EIF2AK4: variants seen among roughly 807,000 people sequenced by gnomAD.
EIF2AK4 encodes the protein eukaryotic translation initiation factor 2 alpha kinase 4, also known as eIF-2-alpha kinase GCN2.
A neutral mutation model predicts 211.1 loss-of-function variants in EIF2AK4; 139 were observed. The ratio of observed to expected loss-of-function variants is 0.66; its 90% CI spans 0.57 to 0.76. The LOEUF (loss-of-function observed/expected upper bound fraction) is 0.76. Among genes scored for constraint, EIF2AK4 ranks in the 30% least tolerant of loss-of-function variants. EIF2AK4 has a pLI of 0.00. For synonymous variants in EIF2AK4, 710 were observed against 751.3 expected (o/e 0.94, Z 0.90); for missense variants, 1,664 against 2,043.8 (o/e 0.81, Z 3.58).
intron 26 of EIF2AK4, 104 bp from the exon 27 acceptor site, chr15:40,011,177 T>C: frequency 1.5e-5 from 13 of 891,626 alleles, no homozygotes; most frequent in Non-Finnish European, 2.3e-5. Flanking sequence ...TAGGAGCAGT[T>C]TGTTCAAAAT....
intron 17 of EIF2AK4, 80 bp downstream of exon 17, chr15:39,992,309 T>C (rs2034954859): frequency 7.8e-7 from 1 of 1,279,948 alleles, no homozygotes; most frequent in South Asian, 1.6e-5. Flanking sequence ...TTTTTACTTG[T>C]AAAGGTTTTA....
chr15:39,946,321 A>G (rs1321563493), intron 3 of EIF2AK4, among the ~76,000 whole-genome samples: 3 of 152,200 alleles, frequency 2.0e-5, no homozygotes, highest in African/African-American at 7.2e-5. Context: ...ACCCTCATGG[A>G]TGACTTTGAG....
chr15:39,951,070 G>T (rs952487731), intron 4 of EIF2AK4, among the ~76,000 whole-genome samples: 16 of 152,106 alleles, frequency 1.1e-4, no homozygotes, highest in African/African-American at 3.6e-4. Flanking sequence ...CATATATGTA[G>T]GTACCTTTTG....
intron 7 of EIF2AK4, among the ~76,000 whole-genome samples, chr15:39,965,079 A>C (rs749546339): frequency 1.3e-5 from 2 of 152,216 alleles, no homozygotes; most frequent in African/African-American, 2.4e-5. Flanking sequence ...TAGACTCGTT[A>C]TGAAAATAAC....
Position 40,035,063 on chromosome 15 carries a change from C to T in EIF2AK4, c.4929C>T (p.Asp1643=). The change falls in exon 39 of 39, where the codon GAC becomes GAT. Residue 1643 remains aspartate (D), a synonymous_variant. Coordinates refer to ENST00000263791, the MANE Select transcript of EIF2AK4 (RefSeq NM_001013703.4). ...SVLFLYSYRD[D]YYRILF is the part of the protein sequence containing the mutation. ...TATTTCTGTACAGCTATAGAGATGA[C>T]TACTACAGAATCTTATTTTAACCCT... The T allele has an allele frequency of 6.3e-7, 1 of 1,585,014 alleles. No individual in the cohort carries two copies. Among genetic ancestry groups the T allele is most frequent in the Non-Finnish European group, 8.6e-7 (1 of 1,166,356 alleles).
At chr15:39,973,083 C>A in intron 10 of EIF2AK4, 69 bp downstream of exon 10, 1 of 1,306,370 alleles carries the variant, frequency 7.7e-7, no homozygotes, top group Admixed American at 1.7e-5. Context: ...TATACATAAA[C>A]CAAAAACTGG....
chr15:39,979,731 G>C (rs1197928998), intron 13 of EIF2AK4, among the ~76,000 whole-genome samples: 2 of 152,200 alleles, frequency 1.3e-5, no homozygotes, highest in African/African-American at 4.8e-5. Context: ...ATTCCTCTTA[G>C]AAATCAAATG....
At position 40,002,743 on chromosome 15, in the gene EIF2AK4, C is replaced by G. The variant is rs1385155516; in HGVS notation, c.3190C>G (p.Gln1064Glu). 5 of 1,614,198 alleles carry G rather than the reference C, an allele frequency of 3.1e-6. No homozygotes were observed. Among genetic ancestry groups the G allele is most frequent in the Non-Finnish European group, 3.4e-6 (4 of 1,180,022 alleles). The part of the protein sequence containing the change: ...GNFSIRTAKM[Q>E]QHVCETIIRI... ...CTTCTCAATCCGTACAGCCAAGATG[C>G]AGCAGCATGTGTGTGAAACCATCAT... Residue 1064 changes from glutamine (Q) to glutamate (E), a missense_variant, in exon 22 of 39, where the codon CAG becomes GAG. By Grantham distance (29) the Gln-to-Glu change is conservative. Around this residue, in one of 7 missense-constraint regions of EIF2AK4, gnomAD observed 622 missense variants for 796.8 expected, o/e 0.78. Coordinates refer to ENST00000263791, the MANE Select transcript of EIF2AK4 (RefSeq NM_001013703.4).
chr15:39,977,099 T>C, intron 12 of EIF2AK4: 1 of 401,816 alleles, frequency 2.5e-6, no homozygotes, highest in South Asian at 1.0e-4. Flanking sequence ...GAAAAGGGGA[T>C]TCATTTAGAA....
chr15:40,031,875 G>A (rs1220927554), intron 35 of EIF2AK4, among the ~76,000 whole-genome samples: 3 of 152,076 alleles, frequency 2.0e-5, no homozygotes, highest in East Asian at 1.9e-4. Context: ...ATAAGCGCCG[G>A]CCACCATGCC....
rs201418777 is a variant in EIF2AK4, at chr15:39,976,742, A to G, written c.2147A>G (p.Glu716Gly). The G allele has an allele frequency of 9.2e-5, 147 of 1,600,998 alleles. No homozygotes were observed. The highest frequency in any genetic ancestry group is 1.1e-4 in the Non-Finnish European group (133 of 1,176,574). Residue 716 changes from glutamate (E) to glycine (G), a missense_variant, in exon 12 of 39, where the codon GAG becomes GGG. Physicochemically the swap from Glu to Gly is moderately conservative, Grantham distance 98. Coordinates refer to ENST00000263791, the MANE Select transcript of EIF2AK4 (RefSeq NM_001013703.4). ...TCGGTGGAGTGGAGCACTTCGGGCG[A>G]GCGCTCGGCCAGTGCCCGTTTCCCC... Reference protein sequence around the residue: ...SSSVEWSTSGERSASARFPAT... With the variant: ...SSSVEWSTSGGRSASARFPAT...
chr15:40,032,703 C>CA (rs1252037089), intron 36 of EIF2AK4, 54 bp from the exon 37 acceptor site: 14 of 1,541,018 alleles, frequency 9.1e-6, no homozygotes, highest in Middle Eastern at 1.7e-4. Context: ...ACACTATGGT[C>CA]ACAAGGCAGT....
intron 23 of EIF2AK4, among the ~76,000 whole-genome samples, chr15:40,004,291 C>A (rs942090416): frequency 6.6e-6 from 1 of 152,146 alleles, no homozygotes; most frequent in Admixed American, 6.5e-5. Flanking sequence ...AAAAACACAT[C>A]AGTGTATGAA....
In EIF2AK4 at chr15:39,943,373, C is replaced by CT; in HGVS notation, c.258-10_258-9insT. 1.3e-6 allele frequency: 1 copy of CT among 747,116 alleles called. No individual in the cohort carries two copies. The highest frequency in any genetic ancestry group is 3.7e-5 in the South Asian group (1 of 26,712). 46.3% of individuals were successfully genotyped at this position (747,116 alleles called of 1,614,324 possible). On this transcript the variant is annotated splice_polypyrimidine_tract_variant and intron_variant, in intron 2 of 38. Transcript: ENST00000263791. ...ACTCTTTTTTTTTTTTTTTTTTTTGCCTTTTCCAGAGTTCCTGAAATAGAG... is the reference window on the plus strand; with the variant it reads ...ACTCTTTTTTTTTTTTTTTTTTTTGCTCTTTTCCAGAGTTCCTGAAATAGAG...
chr15:39,990,380 A>G lies in EIF2AK4; in HGVS notation c.2631+3A>G. 1 of 1,611,950 alleles carries G rather than the reference A, an allele frequency of 6.2e-7. No individual in the cohort carries two copies. Among genetic ancestry groups the G allele is most frequent in the Non-Finnish European group, 8.5e-7 (1 of 1,178,354 alleles). On this transcript the variant is annotated splice_donor_region_variant and intron_variant, in intron 16 of 38. Transcript: ENST00000263791. ...CGACAGACCATCTAGCCTTTTCTGT[A>G]AGTATTTTAAAAATTAGACTGTACC...
Position 39,971,468 on chromosome 15 carries a change from T to C in EIF2AK4, c.1554-1440T>C, listed in dbSNP as rs1329670975. Among the ~76,000 whole-genome samples the C allele has an allele frequency of 2.0e-5, 3 of 152,114 alleles. No homozygotes were observed. In the East Asian group the frequency reaches 5.8e-4, roughly 29 times the overall value. ...GAACCTGGGAGGTAGAGGTTGCAGG[T>C]TGCAGTGAGCCAAGATAGTGCCACT... On this transcript the variant is annotated intron_variant, in intron 9 of 38. Coordinates refer to ENST00000263791, the MANE Select transcript of EIF2AK4 (RefSeq NM_001013703.4).
At chr15:40,008,759 A>G (rs970179268) in intron 25 of EIF2AK4, among the ~76,000 whole-genome samples, 4 of 151,756 alleles carry the variant, frequency 2.6e-5, no homozygotes, top group Admixed American at 6.6e-5. Context: ...TTTCTTCTCA[A>G]CTCTCACAGG....
At chr15:39,969,568 G>T (rs2034595442) in intron 9 of EIF2AK4, among the ~76,000 whole-genome samples, 1 of 152,010 alleles carries the variant, frequency 6.6e-6, no homozygotes, top group Non-Finnish European at 1.5e-5. Context: ...CACCATGTTA[G>T]CCAGGATGGT....
At chr15:40,014,818 C>T (rs765168936) in intron 27 of EIF2AK4, among the ~76,000 whole-genome samples, 14 of 152,144 alleles carry the variant, frequency 9.2e-5, no homozygotes, top group Non-Finnish European at 2.1e-4. Context: ...AATTTTTATG[C>T]TCTGTTTTCC....
Sources: gnomAD v4.1 joint callset for allele counts (sites outside exome capture counted in the v4.1 genomes callset) on GRCh38, gnomAD v4.1.1 for gene constraint, gnomAD v4.1.1 regional missense constraint, MANE v1.5 for transcripts, NCBI Gene and HGNC (gene_info 2026-07-23, HGNC 2026-07-21) for gene names.